The following PLS1 variants were observed in gnomAD, a reference collection of about 807,000 sequenced individuals.
PLS1 encodes plastin 1, also known as plastin-1.
Under a neutral mutation model 73.7 loss-of-function variants are expected in PLS1, and 32 were observed. The observed-to-expected ratio is 0.43, with a 90% CI of 0.33 to 0.58. PLS1 has a LOEUF of 0.58. PLS1 is among the 20% of genes least tolerant of loss of function. The pLI, the probability that PLS1 is intolerant of heterozygous loss-of-function variation, is 0.04. For missense variants in PLS1, 633 were observed against 740.5 expected, an observed-to-expected ratio of 0.85 and a Z score of 1.68; for synonymous variants, 217 against 261.3, an observed-to-expected ratio of 0.83 and a Z score of 1.63.
intron 1 of PLS1, among the ~76,000 whole-genome samples, chr3:142,642,251 TC>T (rs1039941045): frequency 1.3e-5 from 2 of 152,192 alleles, no homozygotes; most frequent in African/African-American, 4.8e-5. Flanking sequence ...TGAATTTTTT[TC>T]CATATTCTTT....
At chr3:142,660,167 A>G (rs1379510340) in intron 1 of PLS1, among the ~76,000 whole-genome samples, 1 of 152,196 alleles carries the variant, frequency 6.6e-6, no homozygotes, top group Non-Finnish European at 1.5e-5. Context: ...AAAAAAGGCA[A>G]TAGAAACAAC....
At chr3:142,659,758 G>A (rs563185344) in intron 1 of PLS1, among the ~76,000 whole-genome samples, 7 of 151,222 alleles carry the variant, frequency 4.6e-5, no homozygotes, top group Non-Finnish European at 8.8e-5. Flanking sequence ...GTGCAATGGC[G>A]TGATCTTGGC....
At chr3:142,696,759 T>TCC (rs1553793801) in intron 11 of PLS1, among the ~76,000 whole-genome samples, 10,941 of 146,296 alleles carry the variant, frequency 0.075, 1,289 homozygotes, top group African/African-American at 0.25. Flanking sequence ...ATAATAATAA[T>TCC]ACCATACTAG....
At chr3:142,702,561 G>A (rs2038352612) in intron 12 of PLS1, among the ~76,000 whole-genome samples, 1 of 152,126 alleles carries the variant, frequency 6.6e-6, no homozygotes, top group Non-Finnish European at 1.5e-5. Context: ...ATTCCAAAAA[G>A]TACTTAGTGT....
At chr3:142,671,298 C>G (rs965140819) in intron 4 of PLS1, among the ~76,000 whole-genome samples, 176 bp downstream of exon 4, 1 of 152,158 alleles carries the variant, frequency 6.6e-6, no homozygotes, top group Non-Finnish European at 1.5e-5. Flanking sequence ...AAATACATCT[C>G]AGTTTCACAG....
chr3:142,684,215 C>T (rs2037914773), intron 7 of PLS1, 38 bp from the exon 8 acceptor site: 1 of 1,613,474 alleles, frequency 6.2e-7, no homozygotes, highest in African/African-American at 1.3e-5. Context: ...CATGTACTTG[C>T]TATGGGAAGA....
rs776402047 is a variant in PLS1, at chr3:142,711,846, CAA to C, written c.1755-25_1755-24del. On this transcript the variant is annotated intron_variant, in intron 15 of 15. Transcript: ENST00000457734. ...TAAGTGAAAACACAGTGGATAACACCAAGATATTTTTCTTGTCTCTTCAAGAT... is the reference window on the plus strand; with the variant it reads ...TAAGTGAAAACACAGTGGATAACACCGATATTTTTCTTGTCTCTTCAAGAT... 6 of 1,609,046 alleles carry C rather than the reference CAA, an allele frequency of 3.7e-6. No homozygotes were observed. The South Asian group carries it at 5.5e-5, about 15-fold the overall frequency.
chr3:142,602,727 C>T (rs1225042038), intron 1 of PLS1, among the ~76,000 whole-genome samples: 2 of 152,150 alleles, frequency 1.3e-5, no homozygotes, highest in African/African-American at 4.8e-5. Context: ...CAGCTGAGAG[C>T]GTGCTTCCCT....
intron 1 of PLS1, among the ~76,000 whole-genome samples, chr3:142,605,526 A>G (rs536661998): frequency 6.6e-6 from 1 of 152,284 alleles, no homozygotes; most frequent in South Asian, 2.1e-4. Flanking sequence ...ATGTGCCACC[A>G]TGCCCAGCTA....
intron 1 of PLS1, among the ~76,000 whole-genome samples, chr3:142,651,265 G>C (rs945656292): frequency 6.6e-6 from 1 of 151,832 alleles, no homozygotes; most frequent in Admixed American, 6.6e-5. Flanking sequence ...TTCGAGACCA[G>C]CCTGGCCAAC....
intron 1 of PLS1, among the ~76,000 whole-genome samples, chr3:142,656,208 T>C (rs7653387): frequency 0.062 from 9,461 of 152,216 alleles, 960 homozygotes; most frequent in African/African-American, 0.22. Flanking sequence ...GTGATCTGCC[T>C]GCCTTGGCCT....
chr3:142,599,620 C>T (rs7651542), intron 1 of PLS1, among the ~76,000 whole-genome samples: 88,949 of 151,964 alleles, frequency 0.59, 26,469 homozygotes, highest in African/African-American at 0.7. Flanking sequence ...TGAGCCACCG[C>T]GCCCGGCCAG....
rs2037051868 is a variant in PLS1 at position 142,650,179 on chromosome 3, GT to G, written c.-36-14019del. ...AGAATGTGTCTTGTCTTTACTGTTT[GT>G]TTTCTGCAGTGTTGGTTTTGGCTTC... On this transcript the variant is annotated intron_variant, in intron 1 of 15. Coordinates refer to ENST00000457734, the MANE Select transcript of PLS1 (RefSeq NM_001145319.2). 2.6e-5 allele frequency among the ~76,000 whole-genome samples: 3 copies of G among 115,912 alleles called. 1 individual carries two copies. The South Asian group carries it at 9.1e-4, about 35-fold the overall frequency. 76.0% of individuals were successfully genotyped at this position (115,912 alleles called of 152,430 possible). A position where few individuals can be genotyped will look rare whatever the true frequency, so the allele number is the denominator to read the frequency against.
At chr3:142,685,146 C>T (rs1169703739) in intron 8 of PLS1, among the ~76,000 whole-genome samples, 3 of 152,130 alleles carry the variant, frequency 2.0e-5, no homozygotes, top group Non-Finnish European at 4.4e-5. Flanking sequence ...TTTGAAGTGA[C>T]ATTTTATTTC....
rs1577832983 is a variant in PLS1, at chr3:142,647,334, C to T, written c.-36-16868C>T. Among the ~76,000 whole-genome samples the T allele has an allele frequency of 4.6e-5, 7 of 152,154 alleles. 1 individual carries two copies. The highest frequency in any genetic ancestry group is 4.6e-4 in the Admixed American group (7 of 15,282). On this transcript the variant is annotated intron_variant, in intron 1 of 15. Transcript: ENST00000457734. ...AATGGTGTATCATATTTCTTCTATA[C>T]TTAAAAATTACAAGGTGATAAGTTG...
At chr3:142,653,700 T>C (rs1326742400) in intron 1 of PLS1, among the ~76,000 whole-genome samples, 1 of 152,024 alleles carries the variant, frequency 6.6e-6, no homozygotes, top group African/African-American at 2.4e-5. Context: ...CCATATATGA[T>C]ATATGCTGAA....
chr3:142,611,555 G>A (rs937510359), intron 1 of PLS1, among the ~76,000 whole-genome samples: 5 of 152,174 alleles, frequency 3.3e-5, no homozygotes, highest in African/African-American at 1.2e-4. Context: ...CCAGGAGTTT[G>A]AGGCTGCAGT....
At chr3:142,664,665 CAAT>C (rs1333350410) in intron 2 of PLS1, among the ~76,000 whole-genome samples, 3 of 152,288 alleles carry the variant, frequency 2.0e-5, no homozygotes, top group East Asian at 1.9e-4. Flanking sequence ...TTTGCACTAA[CAAT>C]AACACTTTCT....
At chr3:142,627,261 T>C (rs2036449725) in intron 1 of PLS1, among the ~76,000 whole-genome samples, 1 of 152,086 alleles carries the variant, frequency 6.6e-6, no homozygotes, top group Non-Finnish European at 1.5e-5. Flanking sequence ...TTTAACCACA[T>C]TTAGTTTTGT....
Sources: gnomAD v4.1 joint callset for allele counts (sites outside exome capture counted in the v4.1 genomes callset) on GRCh38, gnomAD v4.1.1 for gene constraint, MANE v1.5 for transcripts, NCBI Gene and HGNC (gene_info 2026-07-23, HGNC 2026-07-21) for gene names.